SEMA3A: variants seen among roughly 807,000 people sequenced by gnomAD.
SEMA3A encodes the protein semaphorin-3A.
In SEMA3A, 29 loss-of-function variants were observed where a neutral mutation model predicts 97.9. The observed-to-expected ratio is 0.30, with a 90% CI of 0.22 to 0.40. SEMA3A has a LOEUF of 0.40. Ranked by LOEUF, SEMA3A falls within the 10% of genes least tolerant of loss-of-function variation. The pLI is 1.00. For synonymous variants in SEMA3A, 321 were observed against 323.7 expected (o/e 0.99, Z 0.09); for missense variants, 763 against 951.3 (o/e 0.80, Z 2.60).
chr7:84,354,935 G>A (rs565766964), intron 2 of SEMA3A, among the ~76,000 whole-genome samples: 10 of 151,566 alleles, frequency 6.6e-5, no homozygotes, highest in South Asian at 2.1e-4. Flanking sequence ...GATTTTATTC[G>A]CCCAACTAAG....
intron 1 of SEMA3A, among the ~76,000 whole-genome samples, chr7:84,163,990 C>T (rs1174162521): frequency 2.0e-5 from 3 of 152,040 alleles, no homozygotes; most frequent in Admixed American, 2.0e-4. Context: ...GGATTACAGG[C>T]ATGTGCCACC....
At chr7:84,293,235 T>TC in intron 3 of SEMA3A, among the ~76,000 whole-genome samples, 1 of 152,202 alleles carries the variant, frequency 6.6e-6, no homozygotes, top group East Asian at 1.9e-4. Flanking sequence ...AGTTGTTTTA[T>TC]CCGTACCCTA....
chr7:84,378,838 TG>T (rs1458056484), intron 1 of SEMA3A, among the ~76,000 whole-genome samples: 1 of 152,206 alleles, frequency 6.6e-6, no homozygotes, highest in Admixed American at 6.5e-5. Context: ...ATTTATTATT[TG>T]TTTTTTTCTG....
At chr7:84,430,032 C>G (rs995390632) in intron 1 of SEMA3A, among the ~76,000 whole-genome samples, 1 of 151,952 alleles carries the variant, frequency 6.6e-6, no homozygotes, top group African/African-American at 2.4e-5. Flanking sequence ...AAGTAAATAT[C>G]TCACTCAAAA....
chr7:84,060,664 CAA>C lies in SEMA3A; in HGVS notation c.454-108_454-107del, dbSNP rs946013982. 12 of 657,964 alleles carry C rather than the reference CAA, an allele frequency of 1.8e-5. No homozygotes were observed. The African/African-American group carries it at 2.1e-4, about 11-fold the overall frequency. 40.8% of individuals were successfully genotyped at this position (657,964 alleles called of 1,614,324 possible). On this transcript the variant is annotated intron_variant, in intron 4 of 16. Transcript: ENST00000265362. ...AGATGTCAAGTATTCATGTCCAACA[CAA>C]GAGTTATTTTTATTTGTTCAAATTT...
At chr7:84,020,346 T>C (rs2116438324) in intron 6 of SEMA3A, among the ~76,000 whole-genome samples, 1 of 152,028 alleles carries the variant, frequency 6.6e-6, no homozygotes, top group Non-Finnish European at 1.5e-5. Flanking sequence ...GCCCAGCTGT[T>C]AATGATCTTA....
intron 2 of SEMA3A, among the ~76,000 whole-genome samples, chr7:84,308,041 A>G (rs959413006): frequency 3.3e-5 from 5 of 152,136 alleles, no homozygotes; most frequent in African/African-American, 1.2e-4. Flanking sequence ...TATGCAATGG[A>G]GATTCATTAG....
At chr7:84,175,835 TGAATCCTAAATGTCTA>T (rs796651859) in intron 1 of SEMA3A, among the ~76,000 whole-genome samples, 3 of 152,288 alleles carry the variant, frequency 2.0e-5, no homozygotes, top group African/African-American at 7.2e-5. Context: ...GCTGGGTACG[TGAATCCTAAATGTCTA>T]GAAGTAGGTA....
chr7:84,269,913 A>C (rs1404955071), intron 3 of SEMA3A, among the ~76,000 whole-genome samples: 1 of 152,150 alleles, frequency 6.6e-6, no homozygotes, highest in East Asian at 1.9e-4. Flanking sequence ...TAATTACTTA[A>C]AAGAAGCTTA....
chr7:84,280,302 A>T (rs1461612712), intron 3 of SEMA3A, among the ~76,000 whole-genome samples: 1 of 152,184 alleles, frequency 6.6e-6, no homozygotes, highest in Non-Finnish European at 1.5e-5. Context: ...CTTTATTAGC[A>T]CAAATCACAG....
chr7:84,438,183 C>T (rs1407941715), intron 1 of SEMA3A, among the ~76,000 whole-genome samples: 2 of 152,028 alleles, frequency 1.3e-5, no homozygotes, highest in Non-Finnish European at 2.9e-5. Flanking sequence ...TGTCTGTCTA[C>T]TATTGGCACA....
At chr7:84,446,973 C>T (rs890309795) in intron 1 of SEMA3A, among the ~76,000 whole-genome samples, 1 of 152,178 alleles carries the variant, frequency 6.6e-6, no homozygotes, top group African/African-American at 2.4e-5. Flanking sequence ...ACCCAGGCAT[C>T]CCCGCACTCT....
intron 5 of SEMA3A, among the ~76,000 whole-genome samples, chr7:84,050,125 T>A (rs1792550761): frequency 6.6e-6 from 1 of 151,890 alleles, no homozygotes; most frequent in South Asian, 2.1e-4. Context: ...TGTTGGACAT[T>A]TGGGTTGGTT....
intron 9 of SEMA3A, among the ~76,000 whole-genome samples, chr7:84,009,231 A>G (rs1027959554): frequency 6.6e-6 from 1 of 152,178 alleles, no homozygotes; most frequent in Admixed American, 6.5e-5. Context: ...GCACACTCAA[A>G]TTTGAGTCAC....
chr7:84,039,062 T>C (rs1792040543), intron 6 of SEMA3A, among the ~76,000 whole-genome samples: 1 of 152,160 alleles, frequency 6.6e-6, no homozygotes, highest in Non-Finnish European at 1.5e-5. Flanking sequence ...GAGTTGTTTG[T>C]TGTATCAATT....
In SEMA3A at chr7:84,293,294, T is replaced by C. The variant is rs547857917; in HGVS notation, c.-83+13913A>G. 7.2e-5 allele frequency among the ~76,000 whole-genome samples: 11 copies of C among 152,180 alleles called. No homozygotes were observed. The South Asian group carries it at 1.7e-3, about 23-fold the overall frequency. On this transcript the variant is annotated intron_variant, in intron 3 of 3. Transcript: ENST00000424555. ...TATTCAGAGCCAGTTAGGAACACTTTGTTTTGTTGAAAGAATAGCTTCTCA... is the reference window on the plus strand; with the variant it reads ...TATTCAGAGCCAGTTAGGAACACTTCGTTTTGTTGAAAGAATAGCTTCTCA...
intron 3 of SEMA3A, chr7:84,306,471 A>G (rs1801157356): frequency 6.6e-6 from 1 of 152,150 alleles, no homozygotes; most frequent in Non-Finnish European, 1.5e-5. Context: ...TACAATATAG[A>G]TCTTCAAGAA....
intron 2 of SEMA3A, among the ~76,000 whole-genome samples, chr7:84,351,866 C>T (rs994875753): frequency 6.6e-6 from 1 of 151,872 alleles, no homozygotes; most frequent in African/African-American, 2.4e-5. Context: ...AATCCCACTG[C>T]GAGGTATATA....
rs1401347727 is a variant in SEMA3A, at chr7:83,957,291, C to A, written c.*4080G>T. On this transcript the variant is annotated 3_prime_UTR_variant, in exon 17 of 17. Coordinates refer to ENST00000265362, the MANE Select transcript of SEMA3A (RefSeq NM_006080.3). ...TGTTTCCTTAATTTCATTGTGAGCT[C>A]TTTGAGAACAAGGGTTATGTCTTAT... 1 of 152,054 alleles carries A rather than the reference C, an allele frequency of 6.6e-6. No individual in the cohort carries two copies. Among genetic ancestry groups the A allele is most frequent in the East Asian group, 1.9e-4 (1 of 5,194 alleles). 9.4% of individuals were successfully genotyped at this position (152,054 alleles called of 1,614,324 possible).
Sources: gnomAD v4.1 joint callset for allele counts (sites outside exome capture counted in the v4.1 genomes callset) on GRCh38, gnomAD v4.1.1 for gene constraint, MANE v1.5 for transcripts, NCBI Gene and HGNC (gene_info 2026-07-23, HGNC 2026-07-21) for gene names.